ASAP1: variants seen among roughly 807,000 people sequenced by gnomAD.
ASAP1 encodes ArfGAP with SH3 domain, ankyrin repeat and PH domain 1, also known as arf-GAP with SH3 domain, ANK repeat and PH domain-containing protein 1.
ASAP1 carries 43 observed loss-of-function variants against 145.2 expected under a neutral mutation model. The observed-to-expected ratio is 0.30, with a 90% CI of 0.23 to 0.38. The LOEUF (loss-of-function observed/expected upper bound fraction) is 0.38. ASAP1 is among the 10% of genes least tolerant of loss of function. The probability of loss-of-function intolerance (pLI) is 1.00; values close to 1 mark genes in which losing one functional copy is unlikely to be tolerated. For missense variants in ASAP1, 1,018 were observed against 1,355.3 expected (o/e 0.75, Z 3.91); for synonymous variants, 546 against 515.5 (o/e 1.06, Z -0.80).
chr8:130,380,052 C>T lies in ASAP1; in HGVS notation c.59+21833G>A, dbSNP rs1002090379. 3.9e-5 allele frequency among the ~76,000 whole-genome samples: 6 copies of T among 152,210 alleles called. No individual in the cohort carries two copies. The East Asian group carries it at 1.2e-3, about 29-fold the overall frequency. ...ACCAGACATGTGCTGGAGGGACAGG[C>T]CCTCTCCTCCTACTAAGCACCTACC... On this transcript the variant is annotated intron_variant, in intron 2 of 29. Transcript: ENST00000518721.
intron 3 of ASAP1, among the ~76,000 whole-genome samples, chr8:130,256,782 T>TCC (rs1819592759): frequency 1.8e-5 from 2 of 110,870 alleles, no homozygotes; most frequent in South Asian, 2.8e-4. Flanking sequence ...TATATATATA[T>TCC]CCTTATATAT....
At chr8:130,308,011 G>A (rs1376311269) in intron 3 of ASAP1, among the ~76,000 whole-genome samples, 10 of 152,172 alleles carry the variant, frequency 6.6e-5, no homozygotes, top group African/African-American at 2.2e-4. Flanking sequence ...ATTAATTTAG[G>A]AAATGCTTAC....
intron 1 of ASAP1, among the ~76,000 whole-genome samples, chr8:130,425,150 G>A (rs1046262290): frequency 6.6e-6 from 1 of 151,822 alleles, no homozygotes. Context: ...TGGCCAACAT[G>A]GCCAAATCCC....
Position 130,162,409 on chromosome 8 carries a change from G to A in ASAP1, c.910-2445C>T, listed in dbSNP as rs556007419. Among the ~76,000 whole-genome samples the A allele has an allele frequency of 1.1e-3, 172 of 152,156 alleles. 3 individuals carry two copies. Among genetic ancestry groups the A allele is most frequent in the Non-Finnish European group, 3.4e-4 (23 of 68,034 alleles). The stretch of plus-strand genomic sequence containing the variant: ...ACTGAGGCATGAGACAAAGCAAGAG[G>A]CAGGGATTAAAGAAATCCACAGGGC... On this transcript the variant is annotated intron_variant, in intron 11 of 29. Transcript: ENST00000518721.
intron 28 of ASAP1, among the ~76,000 whole-genome samples, chr8:130,059,992 C>T (rs2097414468): frequency 6.7e-6 from 1 of 148,408 alleles, no homozygotes; most frequent in Admixed American, 6.8e-5. Flanking sequence ...GTAAGAGGAT[C>T]ACCTGAGCCT....
chr8:130,163,627 G>T (rs149810196), intron 11 of ASAP1, among the ~76,000 whole-genome samples: 8 of 152,256 alleles, frequency 5.3e-5, no homozygotes, highest in Admixed American at 5.2e-4. Context: ...TTGCTAAGCA[G>T]GGCACTCTAG....
At chr8:130,200,288 A>T (rs1301626196) in intron 5 of ASAP1, among the ~76,000 whole-genome samples, 1 of 152,218 alleles carries the variant, frequency 6.6e-6, no homozygotes, top group East Asian at 1.9e-4. Flanking sequence ...TTATAGTGCA[A>T]ATATAAGATG....
chr8:130,297,760 T>C (rs1822376208), intron 3 of ASAP1, among the ~76,000 whole-genome samples: 1 of 152,164 alleles, frequency 6.6e-6, no homozygotes, highest in East Asian at 1.9e-4. Context: ...TGGAAGACAA[T>C]GTTCACACTG....
chr8:130,432,472 C>T (rs1256019516), intron 1 of ASAP1, among the ~76,000 whole-genome samples: 1 of 152,074 alleles, frequency 6.6e-6, no homozygotes, highest in African/African-American at 2.4e-5. Flanking sequence ...GTGTAGTGAA[C>T]CCAGAATCTT....
In ASAP1 at chr8:130,160,126, C is replaced by G. The variant is rs138010215; in HGVS notation, c.910-162G>C. ...CTTTATTTTAGAGGAGGAAACAGGG[C>G]AGCTAAACACTTGCCAGAGTCACAA... On this transcript the variant is annotated intron_variant, in intron 11 of 29. Transcript: ENST00000518721. 549 of 608,648 alleles carry G rather than the reference C, an allele frequency of 9.0e-4. 9 individuals are homozygous for G. The East Asian group carries it at 0.015, about 17-fold the overall frequency. The allele number at this position is 608,648 out of a possible 1,614,324, so 37.7% of individuals were successfully genotyped here.
intron 16 of ASAP1, among the ~76,000 whole-genome samples, chr8:130,126,410 G>A (rs1188914529): frequency 6.6e-6 from 1 of 152,144 alleles, no homozygotes; most frequent in Non-Finnish European, 1.5e-5. Context: ...ATGGACTGAA[G>A]GTCTATTAAG....
intron 3 of ASAP1, among the ~76,000 whole-genome samples, chr8:130,267,119 CA>C (rs1565153626): frequency 1.9e-4 from 24 of 127,388 alleles, no homozygotes; most frequent in East Asian, 1.5e-3. Flanking sequence ...AACAAACAAA[CA>C]AACAAAAAAA....
chr8:130,157,494 GTC>G (rs1276656818), intron 12 of ASAP1, among the ~76,000 whole-genome samples: 2 of 152,022 alleles, frequency 1.3e-5, no homozygotes, highest in Non-Finnish European at 2.9e-5. Context: ...TGGTCTCCTT[GTC>G]TCTGTGCTTT....
At chr8:130,209,395 A>G (rs557343774) in intron 5 of ASAP1, among the ~76,000 whole-genome samples, 2 of 152,320 alleles carry the variant, frequency 1.3e-5, no homozygotes, top group South Asian at 4.1e-4. Flanking sequence ...TATTTTCACA[A>G]TAATACTAAG....
At chr8:130,179,041 C>T (rs529529886) in intron 9 of ASAP1, 166 of 414,426 alleles carry the variant, frequency 4.0e-4, no homozygotes, top group African/African-American at 3.1e-3. Context: ...TATTTGTCTT[C>T]TTGTAAGGAA....
At chr8:130,131,486 G>A (rs888041409) in intron 15 of ASAP1, among the ~76,000 whole-genome samples, 1 of 151,408 alleles carries the variant, frequency 6.6e-6, no homozygotes, top group Non-Finnish European at 1.5e-5. Flanking sequence ...AATGCAGGCT[G>A]GGCACTATAG....
At position 130,358,125 on chromosome 8, in the gene ASAP1, A is replaced by G. The variant is rs1252931447; in HGVS notation, c.78T>C (p.Ser26=). Residue 26 remains serine (S), a synonymous_variant, in exon 3 of 30, where the codon TCT becomes TCC. Transcript: ENST00000518721. The surrounding 1 kb of genome is among the most constrained non-coding windows in gnomAD (Gnocchi z 4.1). ...SLWNRMPDQI[S]VSEFIAETTE... ...TGGTCTCGGCGATGAACTCCGAGAC[A>G]GAGATCTGGTCCGGCATCCTGCCGG... The G allele has an allele frequency of 6.2e-7, 1 of 1,607,806 alleles. No homozygotes were observed. Among genetic ancestry groups the G allele is most frequent in the Non-Finnish European group, 8.5e-7 (1 of 1,177,994 alleles).
chr8:130,187,402 C>T, intron 6 of ASAP1, 117 bp from the exon 7 acceptor site: 2 of 804,932 alleles, frequency 2.5e-6, no homozygotes, highest in Non-Finnish European at 2.0e-6. Context: ...GGGAACTTCA[C>T]TTTATGCACG....
At chr8:130,112,991 C>T (rs1182581745) in intron 23 of ASAP1, among the ~76,000 whole-genome samples, 1 of 152,234 alleles carries the variant, frequency 6.6e-6, no homozygotes, top group Non-Finnish European at 1.5e-5. Flanking sequence ...CTTGAAGCCC[C>T]TCCTAGTACA....
Sources: gnomAD v4.1 joint callset for allele counts (sites outside exome capture counted in the v4.1 genomes callset) on GRCh38, gnomAD v4.1.1 for gene constraint, Gnocchi (gnomAD v3.1) non-coding constraint, MANE v1.5 for transcripts, NCBI Gene and HGNC (gene_info 2026-07-23, HGNC 2026-07-21) for gene names.